GRID2: variants seen among roughly 807,000 people sequenced by gnomAD.
GRID2 encodes glutamate ionotropic receptor delta type subunit 2.
In GRID2, 33 loss-of-function variants were observed where a neutral mutation model predicts 114.8. That is an observed-to-expected ratio of 0.29 (90% CI 0.22 to 0.38). The LOEUF (loss-of-function observed/expected upper bound fraction) is 0.38, where lower values mean the gene tolerates loss of function less well. Ranked by LOEUF, GRID2 falls within the 10% of genes least tolerant of loss-of-function variation. GRID2 has a pLI of 1.00. For synonymous variants in GRID2, 505 were observed against 449.9 expected (o/e 1.12, Z -1.55); for missense variants, 1,184 against 1,257.7 (o/e 0.94, Z 0.89).
chr4:93,348,707 C>A (rs1341285195), intron 8 of GRID2, among the ~76,000 whole-genome samples: 2 of 152,140 alleles, frequency 1.3e-5, no homozygotes, highest in African/African-American at 4.8e-5. Context: ...ATTCATCATT[C>A]TACTGGACCT....
At chr4:93,665,735 G>C (rs1415494185) in intron 14 of GRID2, among the ~76,000 whole-genome samples, 1 of 151,986 alleles carries the variant, frequency 6.6e-6, no homozygotes, top group African/African-American at 2.4e-5. Flanking sequence ...TAAATTTCCG[G>C]CTTCATTTGC....
intron 2 of GRID2, among the ~76,000 whole-genome samples, chr4:93,068,538 T>G (rs890597196): frequency 1.3e-5 from 2 of 152,216 alleles, no homozygotes; most frequent in Middle Eastern, 6.8e-3. Flanking sequence ...AACTATGTCA[T>G]AGTAGATGTA....
At chr4:93,102,509 T>C (rs1731800999) in intron 3 of GRID2, among the ~76,000 whole-genome samples, 1 of 151,834 alleles carries the variant, frequency 6.6e-6, no homozygotes, top group Admixed American at 6.6e-5. Flanking sequence ...ACTGAAAACA[T>C]TGATTTAATG....
chr4:92,346,735 A>C (rs1358335446), intron 1 of GRID2, among the ~76,000 whole-genome samples: 2 of 152,202 alleles, frequency 1.3e-5, no homozygotes, highest in Non-Finnish European at 2.9e-5. Flanking sequence ...TCATGTAAAC[A>C]TTTGTACTCT....
At chr4:92,510,816 CA>C (rs766705676) in intron 1 of GRID2, among the ~76,000 whole-genome samples, 1 of 148,562 alleles carries the variant, frequency 6.7e-6, no homozygotes, top group Non-Finnish European at 1.5e-5. Flanking sequence ...ATTAAAACAT[CA>C]AGCCATATCC....
chr4:93,775,573 A>G (rs1734353197), downstream of GRID2, among the ~76,000 whole-genome samples: 1 of 152,212 alleles, frequency 6.6e-6, no homozygotes, highest in Non-Finnish European at 1.5e-5. Flanking sequence ...GTTTCTGTCT[A>G]CACTTGGTTT....
chr4:92,561,593 A>T (rs761242484), intron 1 of GRID2, among the ~76,000 whole-genome samples: 18 of 152,154 alleles, frequency 1.2e-4, no homozygotes, highest in Non-Finnish European at 2.4e-4. Flanking sequence ...TATTAATTAC[A>T]ATCTTGCACA....
At position 93,594,527 on chromosome 4, in the gene GRID2, C is replaced by A. The variant is rs543061256; in HGVS notation, c.2194-31742C>A. ...TTTTTGTTTGTCTGTGCCCTGCCCC[C>A]AGAGGTGGAGCCTACAGAGGCAGGC... On this transcript the variant is annotated intron_variant, in intron 13 of 15. Transcript: ENST00000282020. 4.0e-3 allele frequency among the ~76,000 whole-genome samples: 615 copies of A among 152,240 alleles called. 1 individual carries two copies. The highest frequency in any genetic ancestry group is 0.014 in the African/African-American group (584 of 41,574).
intron 8 of GRID2, among the ~76,000 whole-genome samples, chr4:93,282,559 T>A (rs1000385996): frequency 2.2e-4 from 34 of 152,012 alleles, no homozygotes; most frequent in African/African-American, 7.7e-4. Flanking sequence ...TTTGTGATAA[T>A]GGCATTAATC....
At chr4:93,393,389 T>A (rs1204238126) in intron 8 of GRID2, among the ~76,000 whole-genome samples, 1 of 151,886 alleles carries the variant, frequency 6.6e-6, no homozygotes, top group African/African-American at 2.4e-5. Flanking sequence ...AAAGTCTTTG[T>A]CAAGCAGAGG....
At chr4:92,797,805 C>G (rs1739963977) in intron 2 of GRID2, among the ~76,000 whole-genome samples, 1 of 151,806 alleles carries the variant, frequency 6.6e-6, no homozygotes, top group Admixed American at 6.6e-5. Flanking sequence ...CAGACTGGAC[C>G]TATGCAATTG....
intron 1 of GRID2, among the ~76,000 whole-genome samples, chr4:92,529,084 C>T (rs779624277): frequency 2.6e-5 from 4 of 152,130 alleles, no homozygotes; most frequent in African/African-American, 7.2e-5. Context: ...CAGAAACCAA[C>T]GCTGAACTTC....
At chr4:93,425,123 T>G (rs1298318008) in intron 10 of GRID2, among the ~76,000 whole-genome samples, 1 of 152,220 alleles carries the variant, frequency 6.6e-6, no homozygotes, top group African/African-American at 2.4e-5. Flanking sequence ...AGTCCTTGTT[T>G]GCTAAAATTT....
chr4:92,656,055 G>A (rs1036444790), intron 2 of GRID2, among the ~76,000 whole-genome samples: 1 of 151,542 alleles, frequency 6.6e-6, no homozygotes, highest in Non-Finnish European at 1.5e-5. Flanking sequence ...TGCCGAGTTT[G>A]TTGAACATTT....
rs377070912 is a variant in GRID2 at position 93,728,810 on chromosome 4, C to A, written c.2361-40400C>A. Among the ~76,000 whole-genome samples, 8 of 151,946 alleles carry A rather than the reference C, an allele frequency of 5.3e-5. No homozygotes were observed. The South Asian group carries it at 1.0e-3, about 20-fold the overall frequency. On this transcript the variant is annotated intron_variant, in intron 14 of 15. Coordinates refer to ENST00000282020, the MANE Select transcript of GRID2 (RefSeq NM_001510.4). ...TTTATCAGAGACTAGGATTGCAACCCCTGCCTTTTTTTGTTTTCCATTTGC... is the reference window on the plus strand; with the variant it reads ...TTTATCAGAGACTAGGATTGCAACCACTGCCTTTTTTTGTTTTCCATTTGC...
intron 13 of GRID2, among the ~76,000 whole-genome samples, chr4:93,614,152 G>T (rs1157315145): frequency 1.3e-5 from 2 of 152,206 alleles, no homozygotes; most frequent in Non-Finnish European, 2.9e-5. Flanking sequence ...GTGAGGCAAT[G>T]CCTCGCCCTG....
At chr4:93,729,531 G>A (rs1222955887) in intron 14 of GRID2, among the ~76,000 whole-genome samples, 1 of 151,598 alleles carries the variant, frequency 6.6e-6, no homozygotes, top group East Asian at 1.9e-4. Flanking sequence ...CACTTCCTCA[G>A]ATAATACAGA....
In GRID2 at chr4:93,180,716, G is replaced by C. The variant is rs551487794; in HGVS notation, c.736-26688G>C. Reference sequence around the variant, plus strand: ...GTTCCCAGCATCTTCACCAGGAATAGACTCCACTTCAAGAAACCACTTTTA... The same window carrying C: ...GTTCCCAGCATCTTCACCAGGAATACACTCCACTTCAAGAAACCACTTTTA... On this transcript the variant is annotated intron_variant, in intron 4 of 15. Coordinates refer to ENST00000282020, the MANE Select transcript of GRID2 (RefSeq NM_001510.4). 4.3e-4 allele frequency among the ~76,000 whole-genome samples: 65 copies of C among 152,128 alleles called. 1 individual carries two copies. The South Asian group carries it at 6.9e-3, about 16-fold the overall frequency.
chr4:92,428,762 C>T (rs1490825757), intron 1 of GRID2, among the ~76,000 whole-genome samples: 7 of 152,104 alleles, frequency 4.6e-5, no homozygotes, highest in Non-Finnish European at 1.0e-4. Context: ...TATTATGCCA[C>T]TTCCATGATA....
Sources: gnomAD v4.1 joint callset for allele counts (sites outside exome capture counted in the v4.1 genomes callset) on GRCh38, gnomAD v4.1.1 for gene constraint, MANE v1.5 for transcripts, NCBI Gene and HGNC (gene_info 2026-07-23, HGNC 2026-07-21) for gene names.